Variants in KIF26B observed in about 807,000 individuals in gnomAD.
KIF26B encodes kinesin family member 26B, also known as kinesin-like protein KIF26B.
KIF26B carries 63 observed loss-of-function variants against 151.2 expected under a neutral mutation model. That is an observed-to-expected ratio of 0.42 (90% CI 0.34 to 0.51). KIF26B has a LOEUF of 0.51. Among genes scored for constraint, KIF26B ranks in the 20% least tolerant of loss-of-function variants. KIF26B has a pLI of 0.07. For missense variants in KIF26B, 2,813 were observed against 2,913.6 expected (o/e 0.97, Z 0.79); for synonymous variants, 1,357 against 1,262.1 (o/e 1.08, Z -1.59).
intron 10 of KIF26B, 55 bp downstream of exon 10, chr1:245,646,335 T>C: frequency 6.3e-7 from 1 of 1,575,138 alleles, no homozygotes; most frequent in Non-Finnish European, 8.7e-7. Context: ...TGTGGGACGC[T>C]TTGTTCAGTG....
At chr1:245,530,831 G>A (rs144102445) in intron 4 of KIF26B, among the ~76,000 whole-genome samples, 1,756 of 152,320 alleles carry the variant, frequency 0.012, 19 homozygotes, top group Non-Finnish European at 0.018. Context: ...CAGCTGCTGG[G>A]TGAACCAAAG....
At chr1:245,250,423 T>C (rs1392716862) in intron 2 of KIF26B, among the ~76,000 whole-genome samples, 1 of 152,242 alleles carries the variant, frequency 6.6e-6, no homozygotes, top group Non-Finnish European at 1.5e-5. Flanking sequence ...CTTGATTTAC[T>C]TAGCTTTTCT....
At chr1:245,664,284 G>C (rs888384339) in intron 10 of KIF26B, among the ~76,000 whole-genome samples, 2 of 151,594 alleles carry the variant, frequency 1.3e-5, no homozygotes, top group East Asian at 1.9e-4. Flanking sequence ...GCTTGAACCC[G>C]GGAGGTGGAG....
At chr1:245,272,013 G>T (rs137933678) in intron 2 of KIF26B, among the ~76,000 whole-genome samples, 8 of 152,230 alleles carry the variant, frequency 5.3e-5, no homozygotes, top group African/African-American at 1.7e-4. Flanking sequence ...TTTGGTTACT[G>T]ATTCAATCCC....
chr1:245,199,565 G>A (rs372933623), intron 2 of KIF26B, among the ~76,000 whole-genome samples: 22 of 150,682 alleles, frequency 1.5e-4, no homozygotes, highest in South Asian at 4.2e-4. Context: ...TGCAACCTCC[G>A]CCTCCCAGGT....
intron 3 of KIF26B, among the ~76,000 whole-genome samples, chr1:245,396,534 G>C (rs1369560810): frequency 1.3e-5 from 2 of 152,018 alleles, no homozygotes; most frequent in Non-Finnish European, 2.9e-5. Context: ...TACTCAGGAG[G>C]CTGAGGCAGG....
chr1:245,693,982 C>T (rs1382194056), intron 12 of KIF26B, among the ~76,000 whole-genome samples: 2 of 152,194 alleles, frequency 1.3e-5, no homozygotes, highest in Non-Finnish European at 2.9e-5. Flanking sequence ...GTCATTGATT[C>T]TCTCAGACAC....
rs1447474147 is a variant in KIF26B, at chr1:245,707,997, T to A, written c.*5391T>A. ...TGGATATATATAGTACCTGTTTTTT[T>A]CCTCTGGAAAAACCAAAGTACTTTA... On this transcript the variant is annotated 3_prime_UTR_variant, in exon 15 of 15. Transcript: ENST00000407071. 2 of 152,208 alleles carry A rather than the reference T, an allele frequency of 1.3e-5. No individual in the cohort carries two copies. Among genetic ancestry groups the A allele is most frequent in the Non-Finnish European group, 2.9e-5 (2 of 68,040 alleles). 9.4% of individuals were successfully genotyped at this position (152,208 alleles called of 1,614,324 possible). A position where few individuals can be genotyped will look rare whatever the true frequency, so the allele number is the denominator to read the frequency against.
rs141844072 is a variant in KIF26B, at chr1:245,684,169, C to G, written c.2259-64C>G. The G allele has an allele frequency of 1.4e-3, 2,153 of 1,553,252 alleles. 26 individuals are homozygous for G. The African/African-American group carries it at 0.026, about 19-fold the overall frequency. On this transcript the variant is annotated intron_variant, in intron 10 of 14. Coordinates refer to ENST00000407071, the MANE Select transcript of KIF26B (RefSeq NM_018012.4). ...AAAATGGCCGTGTGCAGGCCTGAAG[C>G]CCTGCCCTGAGGGCCACAGGGAAGC...
At chr1:245,618,033 C>T (rs2043611981) in intron 9 of KIF26B, among the ~76,000 whole-genome samples, 1 of 152,096 alleles carries the variant, frequency 6.6e-6, no homozygotes, top group Non-Finnish European at 1.5e-5. Context: ...TTCAGCCTTT[C>T]CTCCCACCAA....
intron 4 of KIF26B, among the ~76,000 whole-genome samples, chr1:245,452,321 CT>C (rs1659414879): frequency 6.6e-6 from 1 of 152,084 alleles, no homozygotes; most frequent in South Asian, 2.1e-4. Flanking sequence ...ATATACCATA[CT>C]TTTTTATTTA....
intron 2 of KIF26B, among the ~76,000 whole-genome samples, chr1:245,188,753 T>C (rs1669044850): frequency 6.6e-6 from 1 of 152,182 alleles, no homozygotes; most frequent in African/African-American, 2.4e-5. Context: ...CAAACAAATA[T>C]CTGTACACCC....
At chr1:245,521,725 G>A (rs1011369864) in intron 4 of KIF26B, among the ~76,000 whole-genome samples, 9 of 152,170 alleles carry the variant, frequency 5.9e-5, no homozygotes, top group African/African-American at 2.2e-4. Flanking sequence ...CTATAGACAA[G>A]GCAATTTTGG....
chr1:245,395,720 A>AC (rs1366764089), intron 3 of KIF26B, among the ~76,000 whole-genome samples: 2 of 151,968 alleles, frequency 1.3e-5, no homozygotes, highest in Non-Finnish European at 2.9e-5. Flanking sequence ...AATCTGATAT[A>AC]CCCCCCAAAG....
At chr1:245,169,645 G>A (rs535274697) in intron 2 of KIF26B, among the ~76,000 whole-genome samples, 1 of 152,074 alleles carries the variant, frequency 6.6e-6, no homozygotes, top group Non-Finnish European at 1.5e-5. Flanking sequence ...CAAAGGCATG[G>A]TTTCAATATA....
At chr1:245,384,167 G>T (rs924586059) in intron 3 of KIF26B, among the ~76,000 whole-genome samples, 27 of 152,102 alleles carry the variant, frequency 1.8e-4, no homozygotes, top group African/African-American at 5.6e-4. Flanking sequence ...AGTGTGCTCC[G>T]GCTTTACGAG....
chr1:245,574,500 G>A (rs1317852789), intron 5 of KIF26B, among the ~76,000 whole-genome samples: 1 of 152,210 alleles, frequency 6.6e-6, no homozygotes, highest in Non-Finnish European at 1.5e-5. Flanking sequence ...CAGGCAAGAT[G>A]ATCTGAGAGC....
chr1:245,553,823 G>A (rs1265258034), intron 5 of KIF26B, among the ~76,000 whole-genome samples: 1 of 152,118 alleles, frequency 6.6e-6, no homozygotes, highest in African/African-American at 2.4e-5. Context: ...ATTTCATTGA[G>A]AATTCTGTGT....
chr1:245,409,467 CAG>C (rs1674221617), intron 3 of KIF26B, among the ~76,000 whole-genome samples: 2 of 152,312 alleles, frequency 1.3e-5, no homozygotes, highest in South Asian at 4.1e-4. Flanking sequence ...CTTCTGTTTG[CAG>C]AGTCTCATCA....
Sources: allele counts gnomAD v4.1 joint callset (sites outside exome capture counted in the v4.1 genomes callset), GRCh38; gene constraint gnomAD v4.1.1; transcripts MANE v1.5; gene names NCBI Gene and HGNC (gene_info 2026-07-23, HGNC 2026-07-21).